KLHL1: variants seen among roughly 807,000 people sequenced by gnomAD.
KLHL1 encodes the protein kelch like family member 1.
In KLHL1, 47 loss-of-function variants were observed where a neutral mutation model predicts 77.7. The observed-to-expected ratio is 0.60, with a 90% CI of 0.48 to 0.77. KLHL1 has a LOEUF of 0.77. Among genes scored for constraint, KLHL1 ranks in the 30% least tolerant of loss-of-function variants. The pLI, the probability that KLHL1 is intolerant of heterozygous loss-of-function variation, is 0.00. For synonymous variants in KLHL1, 360 were observed against 325.2 expected (o/e 1.11, Z -1.15); for missense variants, 925 against 910.8 (o/e 1.02, Z -0.20).
At chr13:70,004,067 C>CTT (rs1885354304) in intron 1 of KLHL1, among the ~76,000 whole-genome samples, 1 of 151,776 alleles carries the variant, frequency 6.6e-6, no homozygotes, top group South Asian at 2.1e-4. Context: ...CTGGTTATAA[C>CTT]TTTTATCTGA....
chr13:70,019,376 A>C (rs1885735165), intron 1 of KLHL1, among the ~76,000 whole-genome samples: 1 of 152,168 alleles, frequency 6.6e-6, no homozygotes, highest in Non-Finnish European at 1.5e-5. Context: ...AAGTTAATGA[A>C]GGTCCACTCA....
At chr13:69,946,197 C>T (rs1158241501) in intron 3 of KLHL1, among the ~76,000 whole-genome samples, 1 of 151,968 alleles carries the variant, frequency 6.6e-6, no homozygotes, top group Non-Finnish European at 1.5e-5. Context: ...GGAAGAACAA[C>T]AAGATAGATT....
intron 8 of KLHL1, among the ~76,000 whole-genome samples, chr13:69,736,676 T>TGA (rs531342499): frequency 1.8e-4 from 24 of 131,404 alleles, no homozygotes; most frequent in African/African-American, 6.2e-4. Flanking sequence ...AAAGAGATTG[T>TGA]GAGATATATA....
intron 1 of KLHL1, among the ~76,000 whole-genome samples, chr13:70,016,036 T>A (rs913803218): frequency 6.6e-5 from 10 of 152,220 alleles, no homozygotes; most frequent in Admixed American, 6.5e-5. Context: ...TTATAGCACA[T>A]TTTAATGAAA....
chr13:69,901,749 T>C (rs1323059120), intron 4 of KLHL1, among the ~76,000 whole-genome samples: 1 of 151,874 alleles, frequency 6.6e-6, no homozygotes, highest in African/African-American at 2.4e-5. Flanking sequence ...AGTTAACATA[T>C]TGTGGAGCAC....
At chr13:69,983,890 G>A (rs1462967061) in intron 1 of KLHL1, among the ~76,000 whole-genome samples, 1 of 127,482 alleles carries the variant, frequency 7.8e-6, no homozygotes, top group Non-Finnish European at 1.6e-5. Flanking sequence ...ATAAATCTAT[G>A]CATTTACGGC....
chr13:69,779,649 T>C (rs1030276), intron 7 of KLHL1, among the ~76,000 whole-genome samples: 35,695 of 151,764 alleles, frequency 0.24, 4,278 homozygotes, highest in South Asian at 0.31. Context: ...TAAACACATA[T>C]GTCTATATCT....
At chr13:69,954,870 G>A (rs1382084973) in intron 3 of KLHL1, among the ~76,000 whole-genome samples, 2 of 150,912 alleles carry the variant, frequency 1.3e-5, no homozygotes, top group Non-Finnish European at 3.0e-5. Context: ...CTAAAATGAT[G>A]GAAAGGTAAG....
intron 7 of KLHL1, among the ~76,000 whole-genome samples, chr13:69,779,052 C>T (rs1875986326): frequency 6.6e-6 from 1 of 152,074 alleles, no homozygotes; most frequent in Admixed American, 6.6e-5. Flanking sequence ...CCCACCTCAG[C>T]CTCCCAAAGT....
chr13:70,068,387 T>A (rs983956301), intron 1 of KLHL1, among the ~76,000 whole-genome samples: 1 of 151,966 alleles, frequency 6.6e-6, no homozygotes, highest in Non-Finnish European at 1.5e-5. Flanking sequence ...AAAGGATTTT[T>A]AAAATTATAT....
At chr13:69,758,099 G>T (rs975701) in intron 7 of KLHL1, among the ~76,000 whole-genome samples, 55,289 of 151,000 alleles carry the variant, frequency 0.37, 10,294 homozygotes, top group African/African-American at 0.43. Flanking sequence ...ACCATCAAAC[G>T]ATCAAAAAAT....
At chr13:70,096,636 A>T (rs1887795990) in intron 1 of KLHL1, among the ~76,000 whole-genome samples, 2 of 71,878 alleles carry the variant, frequency 2.8e-5, no homozygotes, top group Admixed American at 2.0e-4. Context: ...AATATTTTAT[A>T]AAGTTAGCTG....
At chr13:70,010,279 A>G (rs1286311417) in intron 1 of KLHL1, among the ~76,000 whole-genome samples, 3 of 152,154 alleles carry the variant, frequency 2.0e-5, no homozygotes, top group African/African-American at 7.2e-5. Flanking sequence ...TATTTAGACA[A>G]AGGTGGAATG....
At chr13:70,082,862 T>C (rs1238584459) in intron 1 of KLHL1, among the ~76,000 whole-genome samples, 1 of 152,062 alleles carries the variant, frequency 6.6e-6, no homozygotes, top group Non-Finnish European at 1.5e-5. Flanking sequence ...CCTAAGCAAA[T>C]TAGCATAGAA....
chr13:69,850,900 C>T (rs2138131255), intron 5 of KLHL1, among the ~76,000 whole-genome samples: 1 of 151,622 alleles, frequency 6.6e-6, no homozygotes, highest in South Asian at 2.1e-4. Flanking sequence ...TTTAATGTGG[C>T]TTTTTTCTTC....
chr13:70,046,114 A>G (rs1886488989), intron 1 of KLHL1, among the ~76,000 whole-genome samples: 1 of 152,226 alleles, frequency 6.6e-6, no homozygotes, highest in South Asian at 2.1e-4. Flanking sequence ...AAGTTGGCCA[A>G]GAAGCCAGTG....
chr13:69,975,534 G>C, intron 2 of KLHL1, 86 bp downstream of exon 2: 1 of 1,104,218 alleles, frequency 9.1e-7, no homozygotes, highest in Non-Finnish European at 1.3e-6. Flanking sequence ...TATTTCTGTA[G>C]TCATATAATA....
chr13:69,950,323 C>T (rs778113958), intron 3 of KLHL1, among the ~76,000 whole-genome samples: 26 of 151,290 alleles, frequency 1.7e-4, no homozygotes, highest in African/African-American at 2.7e-4. Context: ...ACATATCCAT[C>T]ATTTGAAGAG....
intron 6 of KLHL1, among the ~76,000 whole-genome samples, chr13:69,809,049 A>G (rs1168935442): frequency 6.6e-6 from 1 of 152,172 alleles, no homozygotes; most frequent in Non-Finnish European, 1.5e-5. Flanking sequence ...AAATCCTTCA[A>G]GAAATATGGG....
Sources: gnomAD v4.1 joint callset for allele counts (sites outside exome capture counted in the v4.1 genomes callset) on GRCh38, gnomAD v4.1.1 for gene constraint, MANE v1.5 for transcripts, NCBI Gene and HGNC (gene_info 2026-07-23, HGNC 2026-07-21) for gene names.